Variants in SLC27A5 observed in about 807,000 individuals in gnomAD.
SLC27A5 encodes long-chain fatty acid transport protein 5.
SLC27A5 carries 47 observed loss-of-function variants against 63.1 expected under a neutral mutation model. The ratio of observed to expected loss-of-function variants is 0.74; its 90% CI spans 0.59 to 0.95. The LOEUF is 0.95. Ranked by LOEUF, SLC27A5 falls within the 40% of genes least tolerant of loss-of-function variation. The pLI, the probability that SLC27A5 is intolerant of heterozygous loss-of-function variation, is 0.00. For synonymous variants in SLC27A5, 391 were observed against 403.8 expected (o/e 0.97, Z 0.38); for missense variants, 940 against 921.0 (o/e 1.02, Z -0.27).
rs2053233738 is a variant in SLC27A5, at chr19:58,498,481, C to T, written c.*34G>A. On this transcript the variant is annotated 3_prime_UTR_variant, in exon 10 of 10. Transcript: ENST00000263093. ...AGTGTGTTGGGGTGGGGGTGGCTGGCTTTGATCCCTACCCCAGTGGGTTGG... is the reference window on the plus strand; with the variant it reads ...AGTGTGTTGGGGTGGGGGTGGCTGGTTTTGATCCCTACCCCAGTGGGTTGG... 2 of 1,581,480 alleles carry T rather than the reference C, an allele frequency of 1.3e-6. No homozygotes were observed. Among genetic ancestry groups the T allele is most frequent in the African/African-American group, 2.7e-5 (2 of 74,528 alleles).
At chr19:58,499,002 T>C in intron 8 of SLC27A5, 87 bp from the exon 9 acceptor site, 1 of 1,590,542 alleles carries the variant, frequency 6.3e-7, no homozygotes, top group Non-Finnish European at 8.6e-7. Flanking sequence ...GCTCACTGGC[T>C]GTGAGAGCCA....
intron 2 of SLC27A5, chr19:58,510,307 C>A: frequency 2.6e-6 from 1 of 389,600 alleles, no homozygotes; most frequent in Non-Finnish European, 4.6e-6. Context: ...GGAGCAGTGG[C>A]TCACGCCTGT....
Position 58,510,822 on chromosome 19 carries a change from G to A in SLC27A5, c.797C>T (p.Ala266Val). Residue 266 changes from alanine (A) to valine (V), a missense_variant, in exon 2 of 10, where the codon GCT becomes GTT. Transcript: ENST00000263093. ...GTGGGAGGGCGCTGCATCCAGGGCAGCCCCCAGAGCCCCCACCCCTGGTGT... is the reference window on the plus strand; with the variant it reads ...GTGGGAGGGCGCTGCATCCAGGGCAACCCCCAGAGCCCCCACCCCTGGTGT... ...SPTPGVGALGAALDAAPSHPV... is the reference protein window; with the variant it reads ...SPTPGVGALGVALDAAPSHPV... 1 of 1,613,300 alleles carries A rather than the reference G, an allele frequency of 6.2e-7. No individual in the cohort carries two copies. Among genetic ancestry groups the A allele is most frequent in the South Asian group, 1.1e-5 (1 of 90,890 alleles).
Position 58,498,431 on chromosome 19 carries a change from C to A in SLC27A5, c.*84G>T. On this transcript the variant is annotated 3_prime_UTR_variant, in exon 10 of 10. Transcript: ENST00000263093. ...GGGTATGGCCAGGCTGGGATTCACA[C>A]AGGCCCAGGATGAAAGGGACACCGA... is the stretch of plus-strand genomic sequence containing the variant. 2 of 1,410,376 alleles carry A rather than the reference C, an allele frequency of 1.4e-6. No individual in the cohort carries two copies. The highest frequency in any genetic ancestry group is 1.4e-5 in the South Asian group (1 of 73,832). The allele number at this position is 1,410,376 out of a possible 1,614,324, so 87.4% of individuals were successfully genotyped here.
chr19:58,500,017 C>T (rs990158391), intron 6 of SLC27A5, among the ~76,000 whole-genome samples: 1 of 152,056 alleles, frequency 6.6e-6, no homozygotes, highest in African/African-American at 2.4e-5. Flanking sequence ...TGGGAGAAGA[C>T]ACTAACAGAA....
intron 3 of SLC27A5, chr19:58,508,630 T>TA (rs1453249470): frequency 1.3e-5 from 2 of 151,930 alleles, no homozygotes; most frequent in African/African-American, 4.8e-5. Context: ...CGTGGCTTTT[T>TA]AAAATTTTTT....
chr19:58,504,366 T>C lies in SLC27A5; in HGVS notation c.1058-2956A>G, dbSNP rs1157509814. On this transcript the variant is annotated intron_variant, in intron 3 of 9. Coordinates refer to ENST00000263093, the MANE Select transcript of SLC27A5 (RefSeq NM_012254.3). ...TATATTCTGGAAAAAAATAGGGAAG[T>C]GGCTGGGCACGGTGGCTCACGCCTG... Among the ~76,000 whole-genome samples, 3 of 152,218 alleles carry C rather than the reference T, an allele frequency of 2.0e-5. No homozygotes were observed. The East Asian group carries it at 5.8e-4, about 29-fold the overall frequency.
At chr19:58,504,642 T>A (rs1420071610) in intron 3 of SLC27A5, among the ~76,000 whole-genome samples, 1 of 141,038 alleles carries the variant, frequency 7.1e-6, no homozygotes, top group Non-Finnish European at 1.5e-5. Context: ...CACTCCAGCC[T>A]GGGCGACAGA....
At chr19:58,506,809 A>G (rs943039806) in intron 3 of SLC27A5, among the ~76,000 whole-genome samples, 1 of 151,926 alleles carries the variant, frequency 6.6e-6, no homozygotes, top group Non-Finnish European at 1.5e-5. Context: ...GGGTTTTACC[A>G]TGTTGGCCAG....
chr19:58,502,738 G>A (rs55889664), intron 3 of SLC27A5, among the ~76,000 whole-genome samples: 14 of 149,118 alleles, frequency 9.4e-5, no homozygotes, highest in Middle Eastern at 3.5e-3. Context: ...TGGATGGGTG[G>A]ACAGTTAGAG....
At position 58,508,454 on chromosome 19, in the gene SLC27A5, G is replaced by C. The variant is rs916172875; in HGVS notation, c.1057+1393C>G. 3 of 151,774 alleles carry C rather than the reference G, an allele frequency of 2.0e-5. No homozygotes were observed. The East Asian group carries it at 5.8e-4, about 29-fold the overall frequency. The allele number at this position is 151,774 out of a possible 1,614,324, so 9.4% of individuals were successfully genotyped here. A position where few individuals can be genotyped will look rare whatever the true frequency, so the allele number is the denominator to read the frequency against. On this transcript the variant is annotated intron_variant, in intron 3 of 9. Transcript: ENST00000263093. ...GCCTGTAGTCCCAGCTACTGGGGAG[G>C]CTGAGGCAGGAGAATGGCATGAACC... is the stretch of plus-strand genomic sequence containing the variant.
intron 3 of SLC27A5, among the ~76,000 whole-genome samples, chr19:58,505,098 C>CTTTTTTTT (rs398035153): frequency 9.2e-6 from 1 of 108,792 alleles, no homozygotes; most frequent in Non-Finnish European, 1.9e-5. Context: ...ACTATTTTCA[C>CTTTTTTTT]TTTTTTTTTT....
intron 7 of SLC27A5, 101 bp downstream of exon 7, chr19:58,499,391 T>C (rs1372311298): frequency 7.1e-7 from 1 of 1,416,388 alleles, no homozygotes; most frequent in African/African-American, 1.4e-5. Flanking sequence ...TTCCGCCCTC[T>C]TACGACAGGA....
At chr19:58,502,942 C>G (rs1349001588) in intron 3 of SLC27A5, among the ~76,000 whole-genome samples, 1 of 151,078 alleles carries the variant, frequency 6.6e-6, no homozygotes, top group African/African-American at 2.4e-5. Flanking sequence ...TGAGGATCGT[C>G]ACGCCTGTAA....
chr19:58,501,587 G>A (rs2122494958), intron 3 of SLC27A5, among the ~76,000 whole-genome samples, 177 bp from the exon 4 acceptor site: 1 of 152,262 alleles, frequency 6.6e-6, no homozygotes, highest in African/African-American at 2.4e-5. Flanking sequence ...AGGCAGGCCT[G>A]GGTTCAAATC....
At chr19:58,499,413 C>T (rs528516973) in intron 7 of SLC27A5, 79 bp downstream of exon 7, 3 of 1,507,376 alleles carry the variant, frequency 2.0e-6, no homozygotes, top group Admixed American at 3.8e-5. Flanking sequence ...AGTCCCGCCT[C>T]TTCAGCCTGA....
chr19:58,502,978 G>A (rs2053299252), intron 3 of SLC27A5, among the ~76,000 whole-genome samples: 1 of 152,092 alleles, frequency 6.6e-6, no homozygotes, highest in African/African-American at 2.4e-5. Flanking sequence ...AGGCCGAGGT[G>A]GGCGGATCAC....
Position 58,498,418 on chromosome 19 carries a change from G to T in SLC27A5, c.*97C>A. ...CCACTGAGGTTGAGGGTATGGCCAG[G>T]CTGGGATTCACACAGGCCCAGGATG... On this transcript the variant is annotated 3_prime_UTR_variant, in exon 10 of 10. Transcript: ENST00000263093. The T allele has an allele frequency of 7.7e-7, 1 of 1,290,648 alleles. No individual in the cohort carries two copies. Among genetic ancestry groups the T allele is most frequent in the Non-Finnish European group, 1.1e-6 (1 of 946,612 alleles). 79.9% of individuals were successfully genotyped at this position (1,290,648 alleles called of 1,614,324 possible).
At position 58,511,868 on chromosome 19, in the gene SLC27A5, C is replaced by A; in HGVS notation, c.88G>T (p.Ala30Ser). Reference sequence around the variant, plus strand: ...CCCAGGAGCCAGCGCAGGGTCAAGGCCACAGCGACTGGCCACACTGGCTGC... The same window carrying A: ...CCCAGGAGCCAGCGCAGGGTCAAGGACACAGCGACTGGCCACACTGGCTGC... The part of the protein sequence containing the change: ...LGQPVWPVAV[A>S]LTLRWLLGDP... The change falls in exon 1 of 10, where the codon GCC (alanine) becomes TCC (serine). Residue 30 changes from alanine to serine, a missense_variant. Ala to Ser is a moderately conservative substitution (Grantham distance 99). Transcript: ENST00000263093. 6.4e-7 allele frequency: 1 copy of A among 1,555,026 alleles called. No individual in the cohort carries two copies. Among genetic ancestry groups the A allele is most frequent in the Non-Finnish European group, 8.7e-7 (1 of 1,149,690 alleles).
Sources: gnomAD v4.1 joint callset for allele counts (sites outside exome capture counted in the v4.1 genomes callset) on GRCh38, gnomAD v4.1.1 for gene constraint, MANE v1.5 for transcripts, NCBI Gene and HGNC (gene_info 2026-07-23, HGNC 2026-07-21) for gene names.